The following PXN variants were observed in gnomAD, a reference collection of about 807,000 sequenced individuals.
PXN encodes testicular tissue protein Li 134.
A neutral mutation model predicts 103.6 loss-of-function variants in PXN; 61 were observed. The observed-to-expected ratio is 0.59, with a 90% CI of 0.48 to 0.73. The LOEUF is 0.73. Among genes scored for constraint, PXN ranks in the 30% least tolerant of loss-of-function variants. The pLI is 0.00. For synonymous variants in PXN, 562 were observed against 607.8 expected (o/e 0.92, Z 1.11); for missense variants, 1,274 against 1,460.3 (o/e 0.87, Z 2.08).
chr12:120,252,998 CAAAAAAAAAAAAA>C (rs1254384939), intron 1 of PXN, among the ~76,000 whole-genome samples: 4 of 49,812 alleles, frequency 8.0e-5, no homozygotes, highest in Non-Finnish European at 1.7e-4. Context: ...GACTCTGTCT[CAAAAAAAAAAAAA>C]AAAAAAAAAG....
chr12:120,248,492 T>TCACACACACACA lies in PXN; in HGVS notation c.13+17113_13+17124dup, dbSNP rs3221954. On this transcript the variant is annotated intron_variant, in intron 1 of 14. Coordinates refer to ENST00000637617, the MANE Select transcript of PXN (RefSeq NM_001385981.1). ...ACCATATACAATCCACAGATGACTT[T>TCACACACACACA]CACACACACACACACACACACACAC... is the stretch of plus-strand genomic sequence containing the variant. Among the ~76,000 whole-genome samples the TCACACACACACA allele has an allele frequency of 2.1e-3, 270 of 127,936 alleles. 4 individuals carry two copies. Among genetic ancestry groups the TCACACACACACA allele is most frequent in the African/African-American group, 7.7e-3 (248 of 32,138 alleles). The allele number at this position is 127,936 out of a possible 152,430, so 83.9% of individuals were successfully genotyped here.
chr12:120,215,946 G>A lies in PXN; in HGVS notation c.2302-285C>T, dbSNP rs1882803235. 2.2e-6 allele frequency: 3 copies of A among 1,386,896 alleles called. No homozygotes were observed. Among genetic ancestry groups the A allele is most frequent in the South Asian group, 1.8e-5 (1 of 55,884 alleles). The allele number at this position is 1,386,896 out of a possible 1,614,324, so 85.9% of individuals were successfully genotyped here. A position where few individuals can be genotyped will look rare whatever the true frequency, so the allele number is the denominator to read the frequency against. ...AGGCCTCACCGGGCGCTGGGCCTGG[G>A]GGCTGGAAGGGAGGAGACAGGTTTC... On this transcript the variant is annotated intron_variant, in intron 9 of 14. Transcript: ENST00000637617. This position sits in a 1 kb window ranked among gnomAD's most constrained non-coding sequence, Gnocchi z 4.9.
Position 120,214,790 on chromosome 12 carries a change from G to C in PXN, c.2748+35C>G. On this transcript the variant is annotated intron_variant, in intron 12 of 14. Coordinates refer to ENST00000637617, the MANE Select transcript of PXN (RefSeq NM_001385981.1). This position sits in a 1 kb window ranked among gnomAD's most constrained non-coding sequence, Gnocchi z 5.0. ...GAGGGCTGCGGTGAAGCTGGAATGA[G>C]CGGAAGCGGGCGCGGTGCCGGATGA... 1 of 1,611,382 alleles carries C rather than the reference G, an allele frequency of 6.2e-7. No homozygotes were observed. The highest frequency in any genetic ancestry group is 8.5e-7 in the Non-Finnish European group (1 of 1,178,198).
intron 1 of PXN, among the ~76,000 whole-genome samples, chr12:120,253,480 A>G (rs74784419): frequency 6.6e-6 from 1 of 152,034 alleles, no homozygotes; most frequent in Non-Finnish European, 1.5e-5. Flanking sequence ...CTCAAAAAAG[A>G]AAAAAAAGAA....
rs1212725128 is a variant in PXN, at chr12:120,214,414, A to T, written c.2749-197T>A. ...ACTCAGGATGGGACAAGCCAGACACATACCCTCTCCTCTACTCCTCACCCC... is the reference window on the plus strand; with the variant it reads ...ACTCAGGATGGGACAAGCCAGACACTTACCCTCTCCTCTACTCCTCACCCC... On this transcript the variant is annotated intron_variant, in intron 12 of 14. Transcript: ENST00000637617. The surrounding 1 kb of genome is among the most constrained non-coding windows in gnomAD (Gnocchi z 5.0). 1.3e-5 allele frequency among the ~76,000 whole-genome samples: 2 copies of T among 152,176 alleles called. No homozygotes were observed. The highest frequency in any genetic ancestry group is 2.9e-5 in the Non-Finnish European group (2 of 68,030).
In PXN at chr12:120,224,565, A is replaced by G. The variant is rs1886278450; in HGVS notation, c.14-188T>C. 2 of 704,818 alleles carry G rather than the reference A, an allele frequency of 2.8e-6. No individual in the cohort carries two copies. Among genetic ancestry groups the G allele is most frequent in the Non-Finnish European group, 5.2e-6 (2 of 386,342 alleles). The allele number at this position is 704,818 out of a possible 1,614,324, so 43.7% of individuals were successfully genotyped here. On this transcript the variant is annotated intron_variant, in intron 1 of 14. Transcript: ENST00000637617. This position sits in a 1 kb window ranked among gnomAD's most constrained non-coding sequence, Gnocchi z 5.0. ...CAGCCTAACCAAGAGCCGGCTCCCA[A>G]AGCTAACTTCTTCTGGCCACCCAGG...
chr12:120,239,029 C>T (rs966681320), intron 1 of PXN, among the ~76,000 whole-genome samples: 1 of 152,216 alleles, frequency 6.6e-6, no homozygotes, highest in African/African-American at 2.4e-5. Context: ...GGTGGGGCTG[C>T]TCCTTCTCCT....
At position 120,214,856 on chromosome 12, in the gene PXN, C is replaced by T. The variant is rs1156710664; in HGVS notation, c.2717G>A (p.Arg906His). The change falls in exon 12 of 15, where the codon CGC becomes CAC. Residue 906 changes from arginine to histidine, a missense_variant. Physicochemically the swap from Arg to His is conservative, Grantham distance 29. Around this residue, in one of 2 missense-constraint regions of PXN, gnomAD observed 1,178 missense variants for 1,309.0 expected, o/e 0.90. Transcript: ENST00000637617. This position sits in a 1 kb window ranked among gnomAD's most constrained non-coding sequence, Gnocchi z 5.0. ...GATGGGGCCGTTGCAGTAGTAGCAG[C>T]GCGGGGAGAAGAGGTTGTGGTAGTC... is the stretch of plus-strand genomic sequence containing the variant. ...EKDYHNLFSPRCYYCNGPILD... is the reference protein window; with the variant it reads ...EKDYHNLFSPHCYYCNGPILD... 7 of 1,613,888 alleles carry T rather than the reference C, an allele frequency of 4.3e-6. No homozygotes were observed. The highest frequency in any genetic ancestry group is 4.5e-5 in the East Asian group (2 of 44,898).
chr12:120,220,375 C>T lies in PXN; in HGVS notation c.832-284G>A, dbSNP rs1227176027. Among the ~76,000 whole-genome samples, 1 of 152,062 alleles carries T rather than the reference C, an allele frequency of 6.6e-6. No individual in the cohort carries two copies. The highest frequency in any genetic ancestry group is 1.5e-5 in the Non-Finnish European group (1 of 68,012). ...AAAGAAAAGACCACGGTAAGGTGGA[C>T]AAATGGGGAGCCAGGTGGCTACGGA... On this transcript the variant is annotated intron_variant, in intron 6 of 14. Coordinates refer to ENST00000637617, the MANE Select transcript of PXN (RefSeq NM_001385981.1). The surrounding 1 kb of genome is among the most constrained non-coding windows in gnomAD (Gnocchi z 6.1).
intron 1 of PXN, among the ~76,000 whole-genome samples, chr12:120,259,838 G>C (rs1003652507): frequency 2.6e-5 from 4 of 152,176 alleles, no homozygotes; most frequent in Non-Finnish European, 4.4e-5. Context: ...TCCATGACTT[G>C]CTTTGTGAAC....
Position 120,229,411 on chromosome 12 carries a change from G to A in PXN, c.14-5034C>T, listed in dbSNP as rs995617884. ...AGGAGATAAAAGTCCATCTCTCTGA[G>A]GGGGTGGGAGGACCCAGAGCGATTC... On this transcript the variant is annotated intron_variant, in intron 1 of 14. Transcript: ENST00000637617. This position sits in a 1 kb window ranked among gnomAD's most constrained non-coding sequence, Gnocchi z 4.0. Among the ~76,000 whole-genome samples, 1 of 152,156 alleles carries A rather than the reference G, an allele frequency of 6.6e-6. No individual in the cohort carries two copies. The highest frequency in any genetic ancestry group is 1.5e-5 in the Non-Finnish European group (1 of 68,036).
At chr12:120,235,721 C>G (rs148999655) in intron 1 of PXN, among the ~76,000 whole-genome samples, 1 of 152,156 alleles carries the variant, frequency 6.6e-6, no homozygotes, top group African/African-American at 2.4e-5. Flanking sequence ...CACAGAGGAG[C>G]CCCTAGTGGT....
chr12:120,213,984 T>C lies in PXN; in HGVS notation c.2837A>G (p.His946Arg), dbSNP rs1184303017. 1.9e-6 allele frequency: 3 copies of C among 1,611,996 alleles called. No homozygotes were observed. Among genetic ancestry groups the C allele is most frequent in the Middle Eastern group, 1.6e-4 (1 of 6,082 alleles). The change falls in exon 14 of 15, where the codon CAC (histidine) becomes CGC (arginine). Residue 946 changes from histidine to arginine, a missense_variant. This residue lies in a region of PXN where 1,178 missense variants were observed against 1,309.0 expected (regional missense o/e 0.90). Coordinates refer to ENST00000637617, the MANE Select transcript of PXN (RefSeq NM_001385981.1). This position sits in a 1 kb window ranked among gnomAD's most constrained non-coding sequence, Gnocchi z 4.2. ...CGAFFGPEGF[H>R]EKDGKAYCRK... ...ACAGTAGGCCTTGCCGTCCTTCTCG[T>C]GGAACCCTGGGGAGCGGGGGTTTTG...
chr12:120,243,654 C>A (rs76927497), intron 1 of PXN, among the ~76,000 whole-genome samples: 2,506 of 152,346 alleles, frequency 0.016, 40 homozygotes, highest in Non-Finnish European at 0.026. Context: ...GATGGCATCA[C>A]TGCACTCCAG....
Position 120,219,288 on chromosome 12 carries a change from G to A in PXN, c.1635C>T (p.Asp545=), listed in dbSNP as rs529176910. Residue 545 remains aspartate, a synonymous_variant, in exon 7 of 15, where the codon GAC becomes GAT. Coordinates refer to ENST00000637617, the MANE Select transcript of PXN (RefSeq NM_001385981.1). This position sits in a 1 kb window ranked among gnomAD's most constrained non-coding sequence, Gnocchi z 6.5. The part of the protein sequence containing the change: ...PEGTTEAATQ[D]GKEQPELPCA... ...ATGGAAGCTCTGGCTGTTCCTTCCC[G>A]TCCTGGGTGGCAGCTTCCGTGGTGC... 90 of 1,598,440 alleles carry A rather than the reference G, an allele frequency of 5.6e-5. No homozygotes were observed. The highest frequency in any genetic ancestry group is 3.8e-4 in the Admixed American group (23 of 60,024).
rs1882463110 is a variant in PXN, at chr12:120,215,418, C to G, written c.2403+142G>C. On this transcript the variant is annotated intron_variant, in intron 10 of 14. Coordinates refer to ENST00000637617, the MANE Select transcript of PXN (RefSeq NM_001385981.1). This position sits in a 1 kb window ranked among gnomAD's most constrained non-coding sequence, Gnocchi z 4.9. ...CAACCTCCTCCAGGGGCCAGGAGCC[C>G]TAAAGTGGGAGTGACGTCAGCAGGA... The G allele has an allele frequency of 2.8e-6, 4 of 1,450,838 alleles. No individual in the cohort carries two copies. Among genetic ancestry groups the G allele is most frequent in the Non-Finnish European group, 3.6e-6 (4 of 1,102,982 alleles). The allele number at this position is 1,450,838 out of a possible 1,614,324, so 89.9% of individuals were successfully genotyped here. A position where few individuals can be genotyped will look rare whatever the true frequency, so the allele number is the denominator to read the frequency against.
chr12:120,243,803 G>A (rs1338021969), intron 1 of PXN, among the ~76,000 whole-genome samples: 3 of 152,168 alleles, frequency 2.0e-5, no homozygotes, highest in Admixed American at 1.3e-4. Flanking sequence ...AGTTCCCAAA[G>A]CACTGTGCAC....
At position 120,228,625 on chromosome 12, in the gene PXN, G is replaced by C. The variant is rs549571086; in HGVS notation, c.14-4248C>G. ...AGCCCCTGGCCATGGGCGCAGTGGGGAAGTTTCTATCCTTAGAGAACAAGG... is the reference window on the plus strand; with the variant it reads ...AGCCCCTGGCCATGGGCGCAGTGGGCAAGTTTCTATCCTTAGAGAACAAGG... On this transcript the variant is annotated intron_variant, in intron 1 of 14. Coordinates refer to ENST00000637617, the MANE Select transcript of PXN (RefSeq NM_001385981.1). This position sits in a 1 kb window ranked among gnomAD's most constrained non-coding sequence, Gnocchi z 4.7. Among the ~76,000 whole-genome samples the C allele has an allele frequency of 1.3e-5, 2 of 152,340 alleles. No homozygotes were observed. Among genetic ancestry groups the C allele is most frequent in the Admixed American group, 1.3e-4 (2 of 15,304 alleles).
In PXN at chr12:120,229,216, G is replaced by A. The variant is rs1887529413; in HGVS notation, c.14-4839C>T. 6.6e-6 allele frequency among the ~76,000 whole-genome samples: 1 copy of A among 152,140 alleles called. No individual in the cohort carries two copies. Among genetic ancestry groups the A allele is most frequent in the Non-Finnish European group, 1.5e-5 (1 of 68,008 alleles). On this transcript the variant is annotated intron_variant, in intron 1 of 14. Transcript: ENST00000637617. The surrounding 1 kb of genome is among the most constrained non-coding windows in gnomAD (Gnocchi z 4.0). ...ACCCCGGTTGATCCACTGACGCATGGCACTCAATATCAGATTAAAGAGAAT... is the reference window on the plus strand; with the variant it reads ...ACCCCGGTTGATCCACTGACGCATGACACTCAATATCAGATTAAAGAGAAT...
Sources: gnomAD v4.1 joint callset for allele counts (sites outside exome capture counted in the v4.1 genomes callset) on GRCh38, gnomAD v4.1.1 for gene constraint, gnomAD v4.1.1 regional missense constraint, Gnocchi (gnomAD v3.1) non-coding constraint, MANE v1.5 for transcripts, NCBI Gene and HGNC (gene_info 2026-07-23, HGNC 2026-07-21) for gene names.